The following CNTNAP2 variants were observed in gnomAD, a reference collection of about 807,000 sequenced individuals.
The protein encoded by CNTNAP2 is contactin-associated protein-like 2.
A neutral mutation model predicts 155.2 loss-of-function variants in CNTNAP2; 98 were observed. The ratio of observed to expected loss-of-function variants is 0.63; its 90% CI spans 0.54 to 0.75. The LOEUF is 0.75. Among genes scored for constraint, CNTNAP2 ranks in the 30% least tolerant of loss-of-function variants. The pLI, the probability that CNTNAP2 is intolerant of heterozygous loss-of-function variation, is 0.00. For synonymous variants in CNTNAP2, 651 were observed against 631.2 expected (o/e 1.03, Z -0.47); for missense variants, 1,727 against 1,688.1 (o/e 1.02, Z -0.40).
intron 1 of CNTNAP2, among the ~76,000 whole-genome samples, chr7:146,717,018 C>CT (rs200518824): frequency 0.034 from 5,169 of 152,200 alleles, 127 homozygotes; most frequent in East Asian, 0.12. Flanking sequence ...GCAAACAACT[C>CT]CAAGATTGGT....
intron 18 of CNTNAP2, among the ~76,000 whole-genome samples, chr7:148,197,334 A>C (rs932792981): frequency 1.3e-5 from 2 of 152,204 alleles, no homozygotes; most frequent in African/African-American, 4.8e-5. Flanking sequence ...TGATTCCGTG[A>C]AAAAATGCAA....
intron 3 of CNTNAP2, among the ~76,000 whole-genome samples, chr7:146,856,688 C>A (rs533338541): frequency 6.6e-6 from 1 of 152,196 alleles, no homozygotes; most frequent in African/African-American, 2.4e-5. Context: ...AGACACTGTG[C>A]GCCTCCAGAG....
chr7:146,552,067 A>G (rs1160118148), intron 1 of CNTNAP2, among the ~76,000 whole-genome samples: 2 of 152,118 alleles, frequency 1.3e-5, no homozygotes, highest in East Asian at 1.9e-4. Context: ...GAAGGGTCCT[A>G]TAATACTCTG....
At chr7:146,325,068 G>T (rs746710438) in intron 1 of CNTNAP2, among the ~76,000 whole-genome samples, 1 of 151,924 alleles carries the variant, frequency 6.6e-6, no homozygotes, top group Non-Finnish European at 1.5e-5. Flanking sequence ...CTGAGTAGCT[G>T]CAACCACAGG....
chr7:148,217,297 C>T lies in CNTNAP2; in HGVS notation c.3020C>T (p.Ala1007Val), dbSNP rs777015255. 1.9e-6 allele frequency: 3 copies of T among 1,614,034 alleles called. No individual in the cohort carries two copies. Among genetic ancestry groups the T allele is most frequent in the African/African-American group, 1.3e-5 (1 of 75,016 alleles). ...CTCTCCTTTATAACAGATGTTGGTG[C>T]ATTTTTTGAAGAAGGGATGTGGCTA... ...DGTFCNKDVG[A>V]FFEEGMWLRY... Residue 1007 changes from alanine to valine, a missense_variant, in exon 19 of 24, where the codon GCA (alanine) becomes GTA (valine). Physicochemically the swap from Ala to Val is moderately conservative, Grantham distance 64. Coordinates refer to ENST00000361727, the MANE Select transcript of CNTNAP2 (RefSeq NM_014141.6).
intron 1 of CNTNAP2, among the ~76,000 whole-genome samples, chr7:146,268,734 C>T (rs1314693167): frequency 6.6e-6 from 1 of 152,158 alleles, no homozygotes; most frequent in East Asian, 1.9e-4. Flanking sequence ...GGAAAAATAG[C>T]TCACATTCTT....
chr7:148,279,966 G>C (rs933377319), intron 21 of CNTNAP2, among the ~76,000 whole-genome samples: 3 of 152,168 alleles, frequency 2.0e-5, no homozygotes, highest in Non-Finnish European at 4.4e-5. Context: ...CCAAGGGTTA[G>C]TGACTAGGAC....
At chr7:147,987,486 G>A (rs990137486) in intron 15 of CNTNAP2, among the ~76,000 whole-genome samples, 6 of 152,114 alleles carry the variant, frequency 3.9e-5, no homozygotes, top group South Asian at 2.1e-4. Context: ...AGGAATTAAC[G>A]TGAATGAGCT....
intron 3 of CNTNAP2, among the ~76,000 whole-genome samples, chr7:146,926,697 G>C (rs921459299): frequency 4.6e-5 from 7 of 152,036 alleles, no homozygotes; most frequent in Non-Finnish European, 7.4e-5. Context: ...TTTTGTTACA[G>C]TAGGAATGAT....
intron 10 of CNTNAP2, among the ~76,000 whole-genome samples, chr7:147,479,203 T>C (rs1798377111): frequency 6.6e-6 from 1 of 152,238 alleles, no homozygotes; most frequent in Non-Finnish European, 1.5e-5. Flanking sequence ...AGTCTAAACT[T>C]TCTTTCAAAG....
chr7:147,735,535 G>A (rs1203817534), intron 13 of CNTNAP2, among the ~76,000 whole-genome samples: 1 of 152,128 alleles, frequency 6.6e-6, no homozygotes, highest in African/African-American at 2.4e-5. Context: ...ATGTCTATTA[G>A]GTCCACTTGG....
intron 9 of CNTNAP2, among the ~76,000 whole-genome samples, chr7:147,373,878 T>C (rs1293221354): frequency 6.6e-6 from 1 of 152,012 alleles, no homozygotes; most frequent in Non-Finnish European, 1.5e-5. Context: ...AGATATACAT[T>C]GGAGATGGAA....
At chr7:147,510,687 T>C (rs1033285880) in intron 11 of CNTNAP2, among the ~76,000 whole-genome samples, 1 of 151,566 alleles carries the variant, frequency 6.6e-6, no homozygotes, top group Non-Finnish European at 1.5e-5. Context: ...TGAATTATTA[T>C]TAATTCATAA....
At chr7:147,455,391 G>C (rs1341402421) in intron 10 of CNTNAP2, among the ~76,000 whole-genome samples, 1 of 152,070 alleles carries the variant, frequency 6.6e-6, no homozygotes, top group South Asian at 2.1e-4. Flanking sequence ...AAAAACTTCA[G>C]TAAGTTGCTC....
At chr7:148,403,337 A>G (rs1799631313) in intron 22 of CNTNAP2, among the ~76,000 whole-genome samples, 2 of 152,070 alleles carry the variant, frequency 1.3e-5, no homozygotes, top group South Asian at 2.1e-4. Context: ...ATGCAGAAAT[A>G]TGTGGGCTTT....
intron 21 of CNTNAP2, among the ~76,000 whole-genome samples, chr7:148,349,044 G>A (rs1382070362): frequency 6.6e-6 from 1 of 152,136 alleles, no homozygotes; most frequent in Non-Finnish European, 1.5e-5. Flanking sequence ...GGGATAGATA[G>A]GCCAGGGAAG....
chr7:147,741,405 A>G (rs1396964384), intron 13 of CNTNAP2, among the ~76,000 whole-genome samples: 1 of 152,238 alleles, frequency 6.6e-6, no homozygotes, highest in Non-Finnish European at 1.5e-5. Context: ...TTTTGCTTAC[A>G]TGAGATCTTG....
chr7:146,381,219 A>G (rs1795382711), intron 1 of CNTNAP2, among the ~76,000 whole-genome samples: 1 of 152,190 alleles, frequency 6.6e-6, no homozygotes, highest in Non-Finnish European at 1.5e-5. Context: ...ACATTGGGAC[A>G]TGCTTTTTTA....
chr7:146,505,801 G>A (rs1797375817), intron 1 of CNTNAP2, among the ~76,000 whole-genome samples: 1 of 152,186 alleles, frequency 6.6e-6, no homozygotes, highest in Non-Finnish European at 1.5e-5. Flanking sequence ...TCTTTGGTGT[G>A]CATCTGTAAG....
Sources: gnomAD v4.1 joint callset for allele counts (sites outside exome capture counted in the v4.1 genomes callset) on GRCh38, gnomAD v4.1.1 for gene constraint, MANE v1.5 for transcripts, NCBI Gene and HGNC (gene_info 2026-07-23, HGNC 2026-07-21) for gene names.